NDUFA9: variants seen among roughly 807,000 people sequenced by gnomAD.
NDUFA9 encodes NADH dehydrogenase [ubiquinone] 1 alpha subcomplex subunit 9, mitochondrial.
Under a neutral mutation model 45.9 loss-of-function variants are expected in NDUFA9, and 23 were observed. The ratio of observed to expected loss-of-function variants is 0.50; its 90% CI spans 0.36 to 0.71. The LOEUF (loss-of-function observed/expected upper bound fraction) is 0.71, where lower values mean the gene tolerates loss of function less well. Among genes scored for constraint, NDUFA9 ranks in the 30% least tolerant of loss-of-function variants. The probability of loss-of-function intolerance (pLI) is 0.00; values close to 1 mark genes in which losing one functional copy is unlikely to be tolerated. For missense variants in NDUFA9, 466 were observed against 488.2 expected (o/e 0.95, Z 0.43); for synonymous variants, 176 against 170.5 (o/e 1.03, Z -0.25).
intron 5 of NDUFA9, among the ~76,000 whole-genome samples, chr12:4,659,724 C>T (rs994921921): frequency 2.0e-5 from 3 of 152,132 alleles, no homozygotes; most frequent in Middle Eastern, 3.2e-3. Context: ...CTAAGTGAAA[C>T]GTGTTCATTA....
intron 6 of NDUFA9, chr12:4,667,767 C>A (rs1300956757): frequency 6.6e-6 from 1 of 152,144 alleles, no homozygotes; most frequent in Non-Finnish European, 1.5e-5. Flanking sequence ...ATCTTGGCCT[C>A]CCAAAGTGCT....
At chr12:4,657,667 CT>C in intron 3 of NDUFA9, 80 bp from the exon 4 acceptor site, 1 of 997,984 alleles carries the variant, frequency 1.0e-6, no homozygotes. Context: ...CATTTTGAAA[CT>C]TGCATTGAGG....
rs1946018704 is a variant in NDUFA9, at chr12:4,691,575, G to A, written c.*4467G>A. ...AATGGGAGGTATAGTGGAATGGAGG[G>A]CGTATTTGAAGAAACCCTTCCTGTG... On this transcript the variant is annotated 3_prime_UTR_variant, in exon 11 of 11. Coordinates refer to ENST00000266544, the MANE Select transcript of NDUFA9 (RefSeq NM_005002.5). The A allele has an allele frequency of 6.6e-6, 1 of 152,244 alleles. No homozygotes were observed. 9.4% of individuals were successfully genotyped at this position (152,244 alleles called of 1,614,324 possible).
At chr12:4,658,024 G>A (rs911206578) in intron 4 of NDUFA9, among the ~76,000 whole-genome samples, 185 bp downstream of exon 4, 2 of 152,188 alleles carry the variant, frequency 1.3e-5, no homozygotes, top group Non-Finnish European at 2.9e-5. Flanking sequence ...ATTAAGTCTG[G>A]TATAAGTCAG....
At chr12:4,678,226 T>TAC (rs1286908381) in intron 8 of NDUFA9, among the ~76,000 whole-genome samples, 1 of 151,990 alleles carries the variant, frequency 6.6e-6, no homozygotes, top group Non-Finnish European at 1.5e-5. Context: ...GGCACATGTA[T>TAC]ACCTATGTAA....
Position 4,689,957 on chromosome 12 carries a change from A to G in NDUFA9, c.*2849A>G. 1 of 153,454 alleles carries G rather than the reference A, an allele frequency of 6.5e-6. No homozygotes were observed. The highest frequency in any genetic ancestry group is 1.5e-5 in the Non-Finnish European group (1 of 68,934). The allele number at this position is 153,454 out of a possible 1,614,324, so 9.5% of individuals were successfully genotyped here. On this transcript the variant is annotated 3_prime_UTR_variant, in exon 11 of 11. Transcript: ENST00000266544. ...CCCACACAAACACTGAAGCCGTAGC[A>G]TTGACTAAGGAAACAATTTTACCAT...
chr12:4,659,953 TAGAG>T (rs777969445), intron 5 of NDUFA9, among the ~76,000 whole-genome samples: 1 of 152,056 alleles, frequency 6.6e-6, no homozygotes, highest in Non-Finnish European at 1.5e-5. Context: ...CGGTAGTAAA[TAGAG>T]AGAAAATAAG....
Position 4,691,455 on chromosome 12 carries a change from T to C in NDUFA9, c.*4347T>C, listed in dbSNP as rs1459066640. 1 of 152,240 alleles carries C rather than the reference T, an allele frequency of 6.6e-6. No homozygotes were observed. The highest frequency in any genetic ancestry group is 1.5e-5 in the Non-Finnish European group (1 of 68,042). 9.4% of individuals were successfully genotyped at this position (152,240 alleles called of 1,614,324 possible). A position where few individuals can be genotyped will look rare whatever the true frequency, so the allele number is the denominator to read the frequency against. On this transcript the variant is annotated 3_prime_UTR_variant, in exon 11 of 11. Transcript: ENST00000266544. Reference sequence around the variant, plus strand: ...GAATTGGTTTTCCAACCTGGATCTTTCTGGCTACAAAACTGATGCCTTGTT... The same window carrying C: ...GAATTGGTTTTCCAACCTGGATCTTCCTGGCTACAAAACTGATGCCTTGTT...
chr12:4,672,307 G>A (rs930119245), intron 8 of NDUFA9, among the ~76,000 whole-genome samples: 8 of 152,296 alleles, frequency 5.3e-5, no homozygotes, highest in Middle Eastern at 6.8e-3. Flanking sequence ...CTGGGCAGCC[G>A]TTTGGGCAGA....
At position 4,687,173 on chromosome 12, in the gene NDUFA9, C is replaced by G; in HGVS notation, c.*65C>G. The G allele has an allele frequency of 6.7e-7, 1 of 1,499,722 alleles. No homozygotes were observed. Among genetic ancestry groups the G allele is most frequent in the Non-Finnish European group, 9.1e-7 (1 of 1,100,826 alleles). 92.9% of individuals were successfully genotyped at this position (1,499,722 alleles called of 1,614,324 possible). On this transcript the variant is annotated 3_prime_UTR_variant, in exon 11 of 11. Coordinates refer to ENST00000266544, the MANE Select transcript of NDUFA9 (RefSeq NM_005002.5). ...CGGCCCATGTGGTTTGAGCACCCAGCCAGGCGGTCTCTTTAGAGGATCCTG... is the reference window on the plus strand; with the variant it reads ...CGGCCCATGTGGTTTGAGCACCCAGGCAGGCGGTCTCTTTAGAGGATCCTG...
chr12:4,685,361 A>G (rs991136187), intron 10 of NDUFA9, 36 bp downstream of exon 10: 7 of 1,579,674 alleles, frequency 4.4e-6, no homozygotes, highest in African/African-American at 4.0e-5. Context: ...GCCTGGGCAG[A>G]TGATGAGGCG....
At chr12:4,668,112 G>C (rs1053712587) in intron 6 of NDUFA9, among the ~76,000 whole-genome samples, 1 of 152,148 alleles carries the variant, frequency 6.6e-6, no homozygotes, top group Non-Finnish European at 1.5e-5. Context: ...CAACAGATGA[G>C]TATCATAAGG....
intron 1 of NDUFA9, chr12:4,653,820 T>C (rs1229587976): frequency 3.1e-6 from 1 of 322,918 alleles, no homozygotes; most frequent in African/African-American, 2.2e-5. Context: ...AGTCTTTTGC[T>C]GTTGCCCTGT....
intron 1 of NDUFA9, among the ~76,000 whole-genome samples, chr12:4,652,582 G>T (rs1373215134): frequency 6.6e-6 from 1 of 152,052 alleles, no homozygotes; most frequent in Non-Finnish European, 1.5e-5. Context: ...TTCTCTCCTT[G>T]AAACAGTTTC....
chr12:4,674,545 T>C (rs1242871854), intron 8 of NDUFA9, among the ~76,000 whole-genome samples: 1 of 152,094 alleles, frequency 6.6e-6, no homozygotes, highest in South Asian at 2.1e-4. Flanking sequence ...TAAAACAGAC[T>C]TTAAACCAAC....
At chr12:4,649,889 T>C (rs1420056391) in intron 1 of NDUFA9, among the ~76,000 whole-genome samples, 3 of 152,206 alleles carry the variant, frequency 2.0e-5, no homozygotes, top group Non-Finnish European at 4.4e-5. Context: ...CTCCTCAAAC[T>C]GAAAACATAC....
chr12:4,660,783 C>T (rs1945818895), intron 5 of NDUFA9, among the ~76,000 whole-genome samples: 1 of 152,134 alleles, frequency 6.6e-6, no homozygotes, highest in African/African-American at 2.4e-5. Context: ...ACTGTAAAGT[C>T]TCCTTGGATC....
At chr12:4,684,132 G>T (rs1196531394) in intron 9 of NDUFA9, among the ~76,000 whole-genome samples, 2 of 152,190 alleles carry the variant, frequency 1.3e-5, no homozygotes, top group East Asian at 1.9e-4. Flanking sequence ...CAGAGAGTTA[G>T]AGGTTTGTAA....
At chr12:4,658,038 T>C (rs933144120) in intron 4 of NDUFA9, among the ~76,000 whole-genome samples, 199 bp downstream of exon 4, 22 of 152,168 alleles carry the variant, frequency 1.4e-4, no homozygotes, top group African/African-American at 4.1e-4. Flanking sequence ...AAGTCAGCAG[T>C]GTGATATACT....
Sources: allele counts gnomAD v4.1 joint callset (sites outside exome capture counted in the v4.1 genomes callset), GRCh38; gene constraint gnomAD v4.1.1; transcripts MANE v1.5; gene names NCBI Gene and HGNC (gene_info 2026-07-23, HGNC 2026-07-21).